Variants in ERG observed in about 807,000 individuals in gnomAD.
The protein encoded by ERG is transcriptional regulator ERG.
A neutral mutation model predicts 55.3 loss-of-function variants in ERG; 9 were observed. That is an observed-to-expected ratio of 0.16 (90% CI 0.10 to 0.28). ERG has a LOEUF of 0.28. Ranked by LOEUF, ERG falls within the 10% of genes least tolerant of loss-of-function variation. The pLI is 1.00. For missense variants in ERG, 434 were observed against 631.6 expected, an observed-to-expected ratio of 0.69 and a Z score of 3.35; for synonymous variants, 223 against 237.3, an observed-to-expected ratio of 0.94 and a Z score of 0.55.
Position 38,560,967 on chromosome 21 carries a change from T to G in ERG, c.-41+14695A>C, listed in dbSNP as rs943699637. Among the ~76,000 whole-genome samples, 6 of 152,348 alleles carry G rather than the reference T, an allele frequency of 3.9e-5. 1 individual carries two copies. The South Asian group carries it at 1.2e-3, about 32-fold the overall frequency. The stretch of plus-strand genomic sequence containing the variant: ...TCCTTCAGTTGATTTATGTCATGCA[T>G]TAATATCAATCAAAAGGTTTTCTAA... On this transcript the variant is annotated intron_variant, in intron 2 of 8. Transcript: ENST00000398897.
rs2146453011 is a variant in ERG at position 38,402,581 on chromosome 21, G to A, written c.649C>T (p.Arg217Trp). ...CCTGTGTTTCTAGCATGCATTAACC[G>A]TGGAGAGTTTTGTAAGGCTTTATCA... ...DVDKALQNSP[R>W]LMHARNTGGA... Residue 217 changes from arginine to tryptophan, a missense_variant, in exon 5 of 10, where the codon CGG becomes TGG. Coordinates refer to ENST00000288319, the MANE Select transcript of ERG (RefSeq NM_182918.4). 1 of 1,612,194 alleles carries A rather than the reference G, an allele frequency of 6.2e-7. No individual in the cohort carries two copies. The highest frequency in any genetic ancestry group is 8.5e-7 in the Non-Finnish European group (1 of 1,179,436).
intron 1 of ERG, among the ~76,000 whole-genome samples, chr21:38,576,617 T>C (rs1206867564): frequency 6.6e-6 from 1 of 152,168 alleles, no homozygotes; most frequent in Non-Finnish European, 1.5e-5. Flanking sequence ...GTCTGTGCCC[T>C]CCCCTTCCAC....
chr21:38,569,647 A>G (rs2059945132), intron 2 of ERG, among the ~76,000 whole-genome samples: 1 of 152,166 alleles, frequency 6.6e-6, no homozygotes, highest in African/African-American at 2.4e-5. Context: ...GGTACTCCCT[A>G]GTCCACAACA....
intron 2 of ERG, among the ~76,000 whole-genome samples, chr21:38,437,558 A>G (rs2058802274): frequency 6.6e-6 from 1 of 152,198 alleles, no homozygotes; most frequent in Non-Finnish European, 1.5e-5. Context: ...CCTGGTGTTT[A>G]TTAGAGAGAA....
chr21:38,507,976 G>GA (rs1568866170), intron 2 of ERG, among the ~76,000 whole-genome samples: 2 of 506 alleles, frequency 4.0e-3, no homozygotes, highest in East Asian at 0.031. Context: ...CACACACACA[G>GA]AGACACACAG....
chr21:38,526,368 T>C (rs1023728259), intron 2 of ERG, among the ~76,000 whole-genome samples: 2 of 152,222 alleles, frequency 1.3e-5, no homozygotes, highest in African/African-American at 4.8e-5. Context: ...GCTATAATAT[T>C]AATCATAATT....
intron 1 of ERG, among the ~76,000 whole-genome samples, chr21:38,656,455 T>A (rs942346101): frequency 5.3e-5 from 8 of 152,220 alleles, no homozygotes; most frequent in African/African-American, 1.9e-4. Context: ...CTAATCTGAT[T>A]CCAGGATGCA....
intron 1 of ERG, among the ~76,000 whole-genome samples, chr21:38,463,225 G>T (rs1471794615): frequency 6.6e-6 from 1 of 152,156 alleles, no homozygotes; most frequent in Non-Finnish European, 1.5e-5. Flanking sequence ...CTGTGCTTGG[G>T]TGTCTCATTT....
At chr21:38,481,067 A>C (rs2059234153) in intron 1 of ERG, among the ~76,000 whole-genome samples, 1 of 152,226 alleles carries the variant, frequency 6.6e-6, no homozygotes, top group South Asian at 2.1e-4. Context: ...AAAAACAGTT[A>C]AGAGTATACT....
At chr21:38,594,828 C>T (rs557236988) in intron 1 of ERG, among the ~76,000 whole-genome samples, 6 of 152,270 alleles carry the variant, frequency 3.9e-5, no homozygotes, top group Non-Finnish European at 8.8e-5. Flanking sequence ...AGCTACTTTA[C>T]GTGAGGAGTC....
chr21:38,503,931 G>A (rs139415321), intron 2 of ERG, among the ~76,000 whole-genome samples: 3 of 152,194 alleles, frequency 2.0e-5, no homozygotes, highest in African/African-American at 7.2e-5. Flanking sequence ...GTTTAAGGAC[G>A]GTTTTTCTGT....
At chr21:38,377,887 GTGTGC>G (rs1987286337), downstream of ERG, among the ~76,000 whole-genome samples, 2 of 152,330 alleles carry the variant, frequency 1.3e-5, no homozygotes, top group East Asian at 3.9e-4. Flanking sequence ...TTTTATGCAA[GTGTGC>G]TGTAGGGGGT....
chr21:38,410,317 T>C (rs111973542), intron 3 of ERG, among the ~76,000 whole-genome samples: 4,320 of 152,332 alleles, frequency 0.028, 95 homozygotes, highest in African/African-American at 0.055. Flanking sequence ...ATTTTCAGCC[T>C]TCCATTCCAA....
At chr21:38,411,592 G>C (rs933448899) in intron 3 of ERG, among the ~76,000 whole-genome samples, 2 of 152,246 alleles carry the variant, frequency 1.3e-5, no homozygotes, top group African/African-American at 4.8e-5. Flanking sequence ...GCAGGCGTGA[G>C]CCACCATGCC....
intron 1 of ERG, among the ~76,000 whole-genome samples, chr21:38,613,578 C>G (rs1341489445): frequency 6.6e-6 from 1 of 152,214 alleles, no homozygotes; most frequent in Non-Finnish European, 1.5e-5. Context: ...GTAACGCCTG[C>G]AGACTGGTGC....
chr21:38,612,960 C>T (rs1201457295), intron 1 of ERG, among the ~76,000 whole-genome samples: 2 of 152,264 alleles, frequency 1.3e-5, no homozygotes, highest in East Asian at 1.9e-4. Flanking sequence ...CATGCCCGGC[C>T]CTTTCTTTGA....
intron 2 of ERG, among the ~76,000 whole-genome samples, chr21:38,521,301 A>G (rs1047703024): frequency 6.6e-6 from 1 of 152,186 alleles, no homozygotes; most frequent in African/African-American, 2.4e-5. Flanking sequence ...ACCTTACTAG[A>G]TATGTCGATT....
chr21:38,438,199 T>G (rs947929423), intron 2 of ERG, among the ~76,000 whole-genome samples: 1 of 152,224 alleles, frequency 6.6e-6, no homozygotes, highest in African/African-American at 2.4e-5. Flanking sequence ...CATCACTTTT[T>G]TGTGATCTTC....
chr21:38,458,862 G>A (rs1219172166), intron 1 of ERG, among the ~76,000 whole-genome samples: 1 of 152,110 alleles, frequency 6.6e-6, no homozygotes, highest in Non-Finnish European at 1.5e-5. Context: ...ACACTGTCCT[G>A]CCACGATTAG....
Sources: allele counts gnomAD v4.1 joint callset (sites outside exome capture counted in the v4.1 genomes callset), GRCh38; gene constraint gnomAD v4.1.1; transcripts MANE v1.5; gene names NCBI Gene and HGNC (gene_info 2026-07-23, HGNC 2026-07-21).